XRN1: variants seen among roughly 807,000 people sequenced by gnomAD.
XRN1 encodes the protein 5'-3' exoribonuclease 1.
Under a neutral mutation model 222.3 loss-of-function variants are expected in XRN1, and 67 were observed. The observed-to-expected ratio is 0.30, with a 90% CI of 0.25 to 0.37. XRN1 has a LOEUF of 0.37. XRN1 is among the 10% of genes least tolerant of loss of function. The pLI is 1.00. For synonymous variants in XRN1, 643 were observed against 652.4 expected (o/e 0.99, Z 0.22); for missense variants, 1,707 against 2,000.2 (o/e 0.85, Z 2.80).
At chr3:142,317,800 T>C (rs2065249575) in intron 39 of XRN1, among the ~76,000 whole-genome samples, 1 of 152,226 alleles carries the variant, frequency 6.6e-6, no homozygotes, top group South Asian at 2.1e-4. Context: ...AATCTACTTA[T>C]GCTCATTTGT....
At chr3:142,320,938 T>C (rs1159817448) in intron 37 of XRN1, among the ~76,000 whole-genome samples, 1 of 152,038 alleles carries the variant, frequency 6.6e-6, no homozygotes, top group Admixed American at 6.6e-5. Flanking sequence ...CTGCCCTAAG[T>C]TTTCTTCTAA....
chr3:142,432,610 AT>A, intron 2 of XRN1, 50 bp downstream of exon 2: 1 of 1,415,174 alleles, frequency 7.1e-7, no homozygotes, highest in East Asian at 2.5e-5. Context: ...TTAAAATAAC[AT>A]ATTTTTACTA....
chr3:142,440,959 C>A (rs976771032), intron 1 of XRN1, among the ~76,000 whole-genome samples: 2 of 152,188 alleles, frequency 1.3e-5, no homozygotes, highest in African/African-American at 4.8e-5. Flanking sequence ...AATTTTCATA[C>A]CTGGACACTC....
chr3:142,413,320 A>G (rs2068658806), intron 14 of XRN1, among the ~76,000 whole-genome samples: 1 of 152,214 alleles, frequency 6.6e-6, no homozygotes, highest in South Asian at 2.1e-4. Flanking sequence ...CGTAAAACGC[A>G]TGGTCATGCT....
At chr3:142,431,913 AAT>A (rs1491537249) in intron 2 of XRN1, among the ~76,000 whole-genome samples, 5 of 23,046 alleles carry the variant, frequency 2.2e-4, no homozygotes, top group South Asian at 6.4e-4. Flanking sequence ...TATATATATA[AAT>A]ATATATAATA....
rs925138869 is a variant in XRN1 at position 142,306,863 on chromosome 3, A to G, written c.*4648T>C. 4 of 152,656 alleles carry G rather than the reference A, an allele frequency of 2.6e-5. No homozygotes were observed. The highest frequency in any genetic ancestry group is 2.4e-5 in the African/African-American group (1 of 41,450). The allele number at this position is 152,656 out of a possible 1,614,324, so 9.5% of individuals were successfully genotyped here. A position where few individuals can be genotyped will look rare whatever the true frequency, so the allele number is the denominator to read the frequency against. ...TCAAAAATTACAAAATGAGCACATA[A>G]AAGTCTTCCCTTTTGAATTTTTAAT... is the stretch of plus-strand genomic sequence containing the variant. On this transcript the variant is annotated 3_prime_UTR_variant, in exon 41 of 41. Coordinates refer to ENST00000392981, the MANE Select transcript of XRN1 (RefSeq NM_001282857.2).
intron 34 of XRN1, among the ~76,000 whole-genome samples, chr3:142,334,062 A>T (rs1324445667): frequency 1.3e-5 from 2 of 152,222 alleles, no homozygotes; most frequent in African/African-American, 4.8e-5. Flanking sequence ...ATTGTATATC[A>T]GTATAACTGG....
chr3:142,335,613 A>G (rs1316840784), intron 33 of XRN1, 104 bp from the exon 34 acceptor site: 37 of 1,029,466 alleles, frequency 3.6e-5, no homozygotes, highest in Non-Finnish European at 5.3e-5. Context: ...AAATTCAGAG[A>G]ATTTCAAGAC....
intron 2 of XRN1, 57 bp from the exon 3 acceptor site, chr3:142,426,898 T>TA: frequency 1.4e-6 from 2 of 1,386,052 alleles, no homozygotes; most frequent in Non-Finnish European, 2.0e-6. Context: ...TGAAGATCTT[T>TA]ATATAAACTG....
intron 37 of XRN1, among the ~76,000 whole-genome samples, chr3:142,319,392 A>C (rs932139189): frequency 2.0e-5 from 3 of 152,200 alleles, no homozygotes; most frequent in African/African-American, 7.2e-5. Context: ...ATATTTTGGT[A>C]AGATAAGTTA....
Position 142,418,946 on chromosome 3 carries a change from C to T in XRN1, c.1174-65G>A, listed in dbSNP as rs1018808385. On this transcript the variant is annotated intron_variant, in intron 10 of 40. Coordinates refer to ENST00000392981, the MANE Select transcript of XRN1 (RefSeq NM_001282857.2). ...CATTTCAAAATGAGATGTCATTTCT[C>T]TTCCATGCACCCATTTGCTTTTCTA... 4.6e-5 allele frequency: 67 copies of T among 1,444,144 alleles called. No individual in the cohort carries two copies. In the African/African-American group the frequency reaches 8.4e-4, roughly 18 times the overall value. 89.5% of individuals were successfully genotyped at this position (1,444,144 alleles called of 1,614,324 possible).
chr3:142,328,067 A>G (rs1046213274), intron 37 of XRN1, among the ~76,000 whole-genome samples: 2 of 152,124 alleles, frequency 1.3e-5, no homozygotes, highest in African/African-American at 4.8e-5. Flanking sequence ...TTATCCAATC[A>G]TCTGTTGATG....
At chr3:142,442,084 C>T (rs1254203524) in intron 1 of XRN1, among the ~76,000 whole-genome samples, 3 of 152,154 alleles carry the variant, frequency 2.0e-5, no homozygotes, top group South Asian at 2.1e-4. Flanking sequence ...TAATAGCCCT[C>T]ACTTGGGCAC....
intron 33 of XRN1, among the ~76,000 whole-genome samples, chr3:142,343,119 C>T (rs931211125): frequency 1.3e-5 from 2 of 151,940 alleles, no homozygotes; most frequent in African/African-American, 4.8e-5. Context: ...GCAAAAGCTT[C>T]GAATAGACTT....
chr3:142,383,394 G>A lies in XRN1; in HGVS notation c.2522C>T (p.Ser841Phe), dbSNP rs1424668539. 2 of 1,613,676 alleles carry A rather than the reference G, an allele frequency of 1.2e-6. No homozygotes were observed. The highest frequency in any genetic ancestry group is 2.2e-5 in the South Asian group (2 of 90,980). The change falls in exon 22 of 41, where the codon TCC becomes TTC. Residue 841 changes from serine (S) to phenylalanine (F), a missense_variant. Around this residue, in one of 2 missense-constraint regions of XRN1, gnomAD observed 1,234 missense variants for 1,518.2 expected, o/e 0.81. Coordinates refer to ENST00000392981, the MANE Select transcript of XRN1 (RefSeq NM_001282857.2). The part of the protein sequence containing the change: ...TIVKDIRAFD[S>F]RFSNIKTLDD... The stretch of plus-strand genomic sequence containing the variant: ...CAATGTTTTGATATTGGAGAAACGG[G>A]AGTCGAAAGCTCGGATGTCCTACAT...
At chr3:142,352,993 TGTA>T (rs1559808324) in intron 32 of XRN1, among the ~76,000 whole-genome samples, 1 of 152,198 alleles carries the variant, frequency 6.6e-6, no homozygotes, top group Non-Finnish European at 1.5e-5. Context: ...TAGCAAAACA[TGTA>T]GTAGGAATTT....
Position 142,404,007 on chromosome 3 carries a change from G to C in XRN1, c.1884-18C>G. 6.5e-7 allele frequency: 1 copy of C among 1,536,488 alleles called. No individual in the cohort carries two copies. The highest frequency in any genetic ancestry group is 1.8e-5 in the Admixed American group (1 of 57,058). On this transcript the variant is annotated intron_variant, in intron 16 of 40. Coordinates refer to ENST00000392981, the MANE Select transcript of XRN1 (RefSeq NM_001282857.2). ...TTTTATACCTAGAAAATAAATCAAG[G>C]CATTTAATTTAAAATTAATACATTA...
intron 1 of XRN1, among the ~76,000 whole-genome samples, chr3:142,445,816 T>C (rs2070472142): frequency 6.6e-6 from 1 of 152,252 alleles, no homozygotes; most frequent in Admixed American, 6.5e-5. Flanking sequence ...GTCTTTCTTA[T>C]GGTAGACCTT....
rs765033008 is a variant in XRN1 at position 142,422,926 on chromosome 3, G to C, written c.711-4C>G. Reference sequence around the variant, plus strand: ...AGTTTCTTCTGGAGCACATACCCTGGAATTAGTCAGATGATCAAGATACAG... The same window carrying C: ...AGTTTCTTCTGGAGCACATACCCTGCAATTAGTCAGATGATCAAGATACAG... On this transcript the variant is annotated splice_polypyrimidine_tract_variant and splice_region_variant and intron_variant, in intron 6 of 40. Coordinates refer to ENST00000392981, the MANE Select transcript of XRN1 (RefSeq NM_001282857.2). 1 of 1,600,536 alleles carries C rather than the reference G, an allele frequency of 6.2e-7. No individual in the cohort carries two copies. Among genetic ancestry groups the C allele is most frequent in the Non-Finnish European group, 8.5e-7 (1 of 1,171,826 alleles).
Sources: allele counts gnomAD v4.1 joint callset (sites outside exome capture counted in the v4.1 genomes callset), GRCh38; gene constraint gnomAD v4.1.1; regional missense constraint gnomAD v4.1.1; transcripts MANE v1.5; gene names NCBI Gene and HGNC (gene_info 2026-07-23, HGNC 2026-07-21).